The following CUL5 variants were observed in gnomAD, a reference collection of about 807,000 sequenced individuals.
CUL5 encodes the protein cullin-5.
Under a neutral mutation model 108.8 loss-of-function variants are expected in CUL5, and 26 were observed. That is an observed-to-expected ratio of 0.24 (90% CI 0.18 to 0.33). The LOEUF is 0.33. CUL5 is among the 10% of genes least tolerant of loss of function. The pLI is 1.00. For missense variants in CUL5, 524 were observed against 909.2 expected, an observed-to-expected ratio of 0.58 and a Z score of 5.45; for synonymous variants, 334 against 298.0, an observed-to-expected ratio of 1.12 and a Z score of -1.25.
chr11:108,027,959 C>T (rs1862491730), intron 1 of CUL5, among the ~76,000 whole-genome samples: 1 of 152,140 alleles, frequency 6.6e-6, no homozygotes, highest in Non-Finnish European at 1.5e-5. Flanking sequence ...CTCTTTGTCT[C>T]CTTTGCTAGT....
chr11:108,096,297 C>T (rs1199095907), intron 16 of CUL5, among the ~76,000 whole-genome samples: 1 of 145,064 alleles, frequency 6.9e-6, no homozygotes, highest in African/African-American at 2.6e-5. Flanking sequence ...GAGTTTGAGA[C>T]TAGCTAGGCA....
intron 1 of CUL5, among the ~76,000 whole-genome samples, chr11:108,017,886 C>G (rs968108959): frequency 6.6e-6 from 1 of 152,086 alleles, no homozygotes; most frequent in Admixed American, 6.5e-5. Flanking sequence ...CACTATTTTA[C>G]TCACTTATTT....
chr11:108,087,761 T>C (rs1864256297), intron 11 of CUL5, among the ~76,000 whole-genome samples: 2 of 151,564 alleles, frequency 1.3e-5, no homozygotes, highest in Admixed American at 1.3e-4. Context: ...GGTCAGAAGT[T>C]TGAGACCAGC....
At chr11:108,013,549 T>C (rs1862107016) in intron 1 of CUL5, among the ~76,000 whole-genome samples, 1 of 152,190 alleles carries the variant, frequency 6.6e-6, no homozygotes, top group Non-Finnish European at 1.5e-5. Flanking sequence ...GTTGGCTCAC[T>C]AGCATGCCAG....
chr11:108,085,145 A>G (rs1227432777), intron 11 of CUL5: 1 of 152,248 alleles, frequency 6.6e-6, no homozygotes, highest in African/African-American at 2.4e-5. Context: ...GTAGAGTGGC[A>G]TTACTCTTAA....
Position 108,060,630 on chromosome 11 carries a change from G to A in CUL5, c.780+5675G>A, listed in dbSNP as rs192166258. 5.3e-5 allele frequency among the ~76,000 whole-genome samples: 8 copies of A among 152,234 alleles called. No individual in the cohort carries two copies. In the East Asian group the frequency reaches 9.6e-4, roughly 18 times the overall value. On this transcript the variant is annotated intron_variant, in intron 7 of 18. Coordinates refer to ENST00000393094, the MANE Select transcript of CUL5 (RefSeq NM_003478.6). ...GCGGGTGGATCACCTGAGGTCAGGA[G>A]TTCAAGACCAGCCTGGCTAACATGG...
At chr11:108,068,442 C>A (rs1324956612) in intron 7 of CUL5, among the ~76,000 whole-genome samples, 1 of 152,092 alleles carries the variant, frequency 6.6e-6, no homozygotes, top group Non-Finnish European at 1.5e-5. Flanking sequence ...CCTCAGCCCC[C>A]CAACTCGCAG....
At chr11:108,096,047 G>T (rs953047992) in intron 16 of CUL5, among the ~76,000 whole-genome samples, 2 of 149,716 alleles carry the variant, frequency 1.3e-5, no homozygotes, top group African/African-American at 4.9e-5. Context: ...AGTGAGCCAA[G>T]ATTGCGCCAC....
chr11:108,044,450 G>A (rs1311672064), intron 2 of CUL5, among the ~76,000 whole-genome samples: 2 of 151,930 alleles, frequency 1.3e-5, no homozygotes, highest in Non-Finnish European at 1.5e-5. Flanking sequence ...TGAGGCTGCA[G>A]TGAGCTGTGT....
Position 108,009,338 on chromosome 11 carries a change from A to G in CUL5, c.-11A>G, listed in dbSNP as rs759487837. On this transcript the variant is annotated 5_prime_UTR_variant, in exon 1 of 19. Transcript: ENST00000393094. ...TCTCGCGTCGTCTCGCGAGAGTCCAAGTTAAAGAACATGGCGACGTCTAAT... is the reference window on the plus strand; with the variant it reads ...TCTCGCGTCGTCTCGCGAGAGTCCAGGTTAAAGAACATGGCGACGTCTAAT... 3.7e-6 allele frequency: 6 copies of G among 1,612,894 alleles called. No homozygotes were observed. Among genetic ancestry groups the G allele is most frequent in the Non-Finnish European group, 5.1e-6 (6 of 1,179,544 alleles).
Position 108,105,021 on chromosome 11 carries a change from T to C in CUL5, c.*637T>C, listed in dbSNP as rs1294376419. On this transcript the variant is annotated 3_prime_UTR_variant, in exon 19 of 19. Transcript: ENST00000393094. ...ATTTTCAACTTTCAAATGTTGGTTTTCTTTAAGCAGGAGACTGCTATTTTA... is the reference window on the plus strand; with the variant it reads ...ATTTTCAACTTTCAAATGTTGGTTTCCTTTAAGCAGGAGACTGCTATTTTA... 3 of 152,544 alleles carry C rather than the reference T, an allele frequency of 2.0e-5. No individual in the cohort carries two copies. In the East Asian group the frequency reaches 5.8e-4, roughly 29 times the overall value. The allele number at this position is 152,544 out of a possible 1,614,324, so 9.4% of individuals were successfully genotyped here. A position where few individuals can be genotyped will look rare whatever the true frequency, so the allele number is the denominator to read the frequency against.
intron 4 of CUL5, 151 bp from the exon 5 acceptor site, chr11:108,052,509 G>C: frequency 1.7e-6 from 1 of 602,130 alleles, no homozygotes. Context: ...CGATCCACCT[G>C]CCTCGGCCTC....
Position 108,038,634 on chromosome 11 carries a change from C to T in CUL5, c.134+4723C>T, listed in dbSNP as rs572396612. Among the ~76,000 whole-genome samples the T allele has an allele frequency of 1.4e-4, 21 of 150,468 alleles. No homozygotes were observed. The South Asian group carries it at 4.0e-3, about 29-fold the overall frequency. On this transcript the variant is annotated intron_variant, in intron 2 of 18. Transcript: ENST00000393094. ...AGGTTGCAGTGAGCCAAGATTGCAC[C>T]ATTCCACTCCAGCCTGGGAAACAAG...
chr11:108,048,746 A>G (rs1198769201), intron 3 of CUL5, among the ~76,000 whole-genome samples: 1 of 146,400 alleles, frequency 6.8e-6, no homozygotes, highest in Non-Finnish European at 1.5e-5. Context: ...GGCTCACTAC[A>G]ACCTCCGCCT....
At chr11:108,089,895 C>T (rs1044455190) in intron 13 of CUL5, among the ~76,000 whole-genome samples, 1 of 152,016 alleles carries the variant, frequency 6.6e-6, no homozygotes, top group Non-Finnish European at 1.5e-5. Flanking sequence ...CAAAAATTAG[C>T]TGGATGTGCT....
At position 108,106,545 on chromosome 11, in the gene CUL5, T is replaced by C. The variant is rs1382279605; in HGVS notation, c.*2161T>C. 6.6e-6 allele frequency: 1 copy of C among 151,784 alleles called. No homozygotes were observed. The highest frequency in any genetic ancestry group is 1.5e-5 in the Non-Finnish European group (1 of 67,792). The allele number at this position is 151,784 out of a possible 1,614,324, so 9.4% of individuals were successfully genotyped here. On this transcript the variant is annotated 3_prime_UTR_variant, in exon 19 of 19. Coordinates refer to ENST00000393094, the MANE Select transcript of CUL5 (RefSeq NM_003478.6). ...CTGTAAATGTACAGTTTTCTTTTTT[T>C]TTTTTTTTTGGTTATGTATACAAAA... is the stretch of plus-strand genomic sequence containing the variant.
In CUL5 at chr11:108,078,514, A is replaced by G. The variant is rs539943384; in HGVS notation, c.1178+274A>G. The stretch of plus-strand genomic sequence containing the variant: ...CCTCATTAGTCACTAAAAGTATTCT[A>G]TTACCCATAGAAGCAGAGAAAATGA... On this transcript the variant is annotated intron_variant, in intron 11 of 18. Transcript: ENST00000393094. Among the ~76,000 whole-genome samples, 89 of 152,258 alleles carry G rather than the reference A, an allele frequency of 5.8e-4. 2 individuals are homozygous for G. In the South Asian group the frequency reaches 0.012, roughly 20 times the overall value.
intron 8 of CUL5, among the ~76,000 whole-genome samples, 178 bp downstream of exon 8, chr11:108,070,367 A>G (rs1863790667): frequency 1.3e-5 from 2 of 152,332 alleles, no homozygotes; most frequent in African/African-American, 2.4e-5. Flanking sequence ...TGCTAAGAGT[A>G]TATAAACTTA....
At chr11:108,067,721 C>T (rs1863721151) in intron 7 of CUL5, among the ~76,000 whole-genome samples, 1 of 152,004 alleles carries the variant, frequency 6.6e-6, no homozygotes, top group Non-Finnish European at 1.5e-5. Context: ...ATTAGGATTC[C>T]ACTTTGTCTT....
Sources: allele counts gnomAD v4.1 joint callset (sites outside exome capture counted in the v4.1 genomes callset), GRCh38; gene constraint gnomAD v4.1.1; transcripts MANE v1.5; gene names NCBI Gene and HGNC (gene_info 2026-07-23, HGNC 2026-07-21).